PRKCA: variants seen among roughly 807,000 people sequenced by gnomAD.
The protein encoded by PRKCA is protein kinase C alpha, also known as protein kinase C alpha type.
In PRKCA, 27 loss-of-function variants were observed where a neutral mutation model predicts 87.0. That is an observed-to-expected ratio of 0.31 (90% CI 0.23 to 0.43). The LOEUF is 0.43. Ranked by LOEUF, PRKCA falls within the 20% of genes least tolerant of loss-of-function variation. The pLI is 1.00. For synonymous variants in PRKCA, 329 were observed against 311.1 expected, an observed-to-expected ratio of 1.06 and a Z score of -0.61; for missense variants, 518 against 852.3, an observed-to-expected ratio of 0.61 and a Z score of 4.88.
chr17:66,521,265 A>C (rs549211421), intron 3 of PRKCA, among the ~76,000 whole-genome samples: 1 of 152,354 alleles, frequency 6.6e-6, no homozygotes, highest in Non-Finnish European at 1.5e-5. Context: ...TATAGTGTAG[A>C]AGTCCAAAGA....
In PRKCA at chr17:66,796,787, C is replaced by A. The variant is rs1417785042; in HGVS notation, c.1855-7086C>A. 4 of 985,194 alleles carry A rather than the reference C, an allele frequency of 4.1e-6. No homozygotes were observed. In the South Asian group the frequency reaches 1.9e-4, roughly 46 times the overall value. 61.0% of individuals were successfully genotyped at this position (985,194 alleles called of 1,614,324 possible). On this transcript the variant is annotated intron_variant, in intron 16 of 16. Coordinates refer to ENST00000413366, the MANE Select transcript of PRKCA (RefSeq NM_002737.3). ...AGTCAGAGAGCTGTGCAGATGGTGGCGATGCGGTTGCTAAGGCGCTCCACT... is the reference window on the plus strand; with the variant it reads ...AGTCAGAGAGCTGTGCAGATGGTGGAGATGCGGTTGCTAAGGCGCTCCACT...
At chr17:66,533,930 T>C (rs541419431) in intron 3 of PRKCA, among the ~76,000 whole-genome samples, 1 of 152,280 alleles carries the variant, frequency 6.6e-6, no homozygotes, top group East Asian at 1.9e-4. Context: ...CTCCTTTTGT[T>C]CGTTCGTAAT....
intron 2 of PRKCA, among the ~76,000 whole-genome samples, chr17:66,409,033 CAAAAAAAAA>C (rs10661202): frequency 1.3e-5 from 1 of 76,994 alleles, no homozygotes; most frequent in Non-Finnish European, 2.3e-5. Flanking sequence ...TCCCCAGTCT[CAAAAAAAAA>C]AAAAAAAAAA....
intron 3 of PRKCA, among the ~76,000 whole-genome samples, chr17:66,543,282 G>C (rs1363071644): frequency 6.6e-6 from 1 of 152,146 alleles, no homozygotes; most frequent in Admixed American, 6.5e-5. Context: ...AAAGAATGCA[G>C]TATTTGTGGT....
At chr17:66,307,364 G>C (rs547101478) in intron 2 of PRKCA, among the ~76,000 whole-genome samples, 4 of 152,184 alleles carry the variant, frequency 2.6e-5, no homozygotes, top group Non-Finnish European at 4.4e-5. Flanking sequence ...TTGTGGGCCT[G>C]AACTTTATGG....
intron 8 of PRKCA, among the ~76,000 whole-genome samples, chr17:66,695,889 G>T (rs1468164643): frequency 6.6e-6 from 1 of 152,148 alleles, no homozygotes; most frequent in Non-Finnish European, 1.5e-5. Flanking sequence ...CAGGACCCAA[G>T]AAAACAAGAT....
At chr17:66,614,502 A>G (rs1970463383) in intron 3 of PRKCA, among the ~76,000 whole-genome samples, 1 of 152,186 alleles carries the variant, frequency 6.6e-6, no homozygotes, top group South Asian at 2.1e-4. Context: ...TAAAAATGTT[A>G]CCGTTTCCTA....
At position 66,735,494 on chromosome 17, in the gene PRKCA, G is replaced by A; in HGVS notation, c.1062G>A (p.Met354Ile). 6.2e-7 allele frequency: 1 copy of A among 1,614,174 alleles called. No individual in the cohort carries two copies. Among genetic ancestry groups the A allele is most frequent in the Non-Finnish European group, 8.5e-7 (1 of 1,180,032 alleles). ...VLGKGSFGKV[M>I]LADRKGTEEL... Reference sequence around the variant, plus strand: ...TGTTCTTGACGTGTTCTCAGGTGATGCTTGCCGACAGGAAGGGCACAGAAG... The same window carrying A: ...TGTTCTTGACGTGTTCTCAGGTGATACTTGCCGACAGGAAGGGCACAGAAG... Residue 354 changes from methionine (M) to isoleucine (I), a missense_variant, in exon 10 of 17, where the codon ATG becomes ATA. By Grantham distance (10) the Met-to-Ile change is conservative. Transcript: ENST00000413366.
In PRKCA at chr17:66,745,430, C is replaced by A. The variant is rs1274010509; in HGVS notation, c.1524+2670C>A. On this transcript the variant is annotated intron_variant, in intron 13 of 16. Transcript: ENST00000413366. ...GCACAGTGGCTCACTCCTACAATCCCAGTGCTTTGGGAGGCCAAGGCAGGT... is the reference window on the plus strand; with the variant it reads ...GCACAGTGGCTCACTCCTACAATCCAAGTGCTTTGGGAGGCCAAGGCAGGT... 3.9e-5 allele frequency among the ~76,000 whole-genome samples: 6 copies of A among 151,968 alleles called. 1 individual carries two copies. The highest frequency in any genetic ancestry group is 1.4e-4 in the African/African-American group (6 of 41,424).
chr17:66,616,354 A>G (rs532954332), intron 3 of PRKCA, among the ~76,000 whole-genome samples: 2 of 152,314 alleles, frequency 1.3e-5, no homozygotes, highest in East Asian at 3.9e-4. Flanking sequence ...CTGTGCCATG[A>G]CACCTGGTAG....
intron 5 of PRKCA, among the ~76,000 whole-genome samples, chr17:66,661,004 G>A (rs975239751): frequency 6.6e-6 from 1 of 152,172 alleles, no homozygotes; most frequent in East Asian, 1.9e-4. Context: ...ATCGTGAAAC[G>A]CAAGGGTGGG....
At chr17:66,759,278 C>T (rs1242839652) in intron 13 of PRKCA, among the ~76,000 whole-genome samples, 2 of 151,788 alleles carry the variant, frequency 1.3e-5, no homozygotes, top group Non-Finnish European at 2.9e-5. Flanking sequence ...ATGGCGTGAA[C>T]CCGGGAGGCA....
intron 13 of PRKCA, among the ~76,000 whole-genome samples, chr17:66,756,906 G>A (rs769429772): frequency 1.4e-4 from 22 of 152,040 alleles, no homozygotes; most frequent in African/African-American, 3.6e-4. Flanking sequence ...CAAGTGTTCC[G>A]CCTGCCTCAG....
chr17:66,687,132 T>A lies in PRKCA; in HGVS notation c.551T>A (p.Ile184Asn). The change falls in exon 6 of 17, where the codon ATC becomes AAC. Residue 184 changes from isoleucine to asparagine, a missense_variant. Coordinates refer to ENST00000413366, the MANE Select transcript of PRKCA (RefSeq NM_002737.3). ...ACAGTACGAGATGCAAAAAATCTAA[T>A]CCCTATGGATCCAAACGGGCTTTCA... is the stretch of plus-strand genomic sequence containing the variant. Reference protein sequence around the residue: ...HVTVRDAKNLIPMDPNGLSDP... With the variant: ...HVTVRDAKNLNPMDPNGLSDP... 1.2e-6 allele frequency: 2 copies of A among 1,612,660 alleles called. No homozygotes were observed. The highest frequency in any genetic ancestry group is 1.7e-6 in the Non-Finnish European group (2 of 1,178,876).
At chr17:66,309,720 G>T (rs1450613110) in intron 2 of PRKCA, among the ~76,000 whole-genome samples, 1 of 152,096 alleles carries the variant, frequency 6.6e-6, no homozygotes, top group Non-Finnish European at 1.5e-5. Flanking sequence ...TTGGTTGAAT[G>T]TTTTTTTGCT....
intron 8 of PRKCA, among the ~76,000 whole-genome samples, chr17:66,714,727 G>A (rs1250460586): frequency 2.6e-5 from 4 of 152,184 alleles, no homozygotes; most frequent in Non-Finnish European, 4.4e-5. Flanking sequence ...TACAGATGAA[G>A]AAACAGGCCT....
At chr17:66,370,973 T>C (rs937554954) in intron 2 of PRKCA, among the ~76,000 whole-genome samples, 1 of 152,228 alleles carries the variant, frequency 6.6e-6, no homozygotes, top group Non-Finnish European at 1.5e-5. Flanking sequence ...TAAGAGGGCA[T>C]GTTGCCTGTA....
intron 10 of PRKCA, among the ~76,000 whole-genome samples, chr17:66,737,492 G>A (rs988998348): frequency 1.3e-5 from 2 of 152,310 alleles, no homozygotes; most frequent in South Asian, 2.1e-4. Context: ...TAATTGATGC[G>A]ATTATTACTA....
intron 8 of PRKCA, among the ~76,000 whole-genome samples, chr17:66,731,009 A>G (rs1189850590): frequency 1.3e-5 from 2 of 152,148 alleles, no homozygotes; most frequent in Non-Finnish European, 2.9e-5. Context: ...GTTCCTGGAA[A>G]GAGCTCCAGA....
Sources: gnomAD v4.1 joint callset for allele counts (sites outside exome capture counted in the v4.1 genomes callset) on GRCh38, gnomAD v4.1.1 for gene constraint, MANE v1.5 for transcripts, NCBI Gene and HGNC (gene_info 2026-07-23, HGNC 2026-07-21) for gene names.